The following C12orf54 variants were observed in gnomAD, a reference collection of about 807,000 sequenced individuals.
C12orf54 encodes the protein chromosome 12 open reading frame 54.
Under a neutral mutation model 26.4 loss-of-function variants are expected in C12orf54, and 24 were observed. The observed-to-expected ratio is 0.91, with a 90% CI of 0.66 to 1.28. C12orf54 has a LOEUF of 1.28. Ranked by LOEUF, C12orf54 falls within the 50% of genes most tolerant of loss-of-function variation. The pLI, the probability that C12orf54 is intolerant of heterozygous loss-of-function variation, is 0.00. For synonymous variants in C12orf54, 54 were observed against 47.0 expected (o/e 1.15, Z -0.61); for missense variants, 154 against 150.9 (o/e 1.02, Z -0.11).
chr12:48,469,297 C>T, the C12orf54 span, among the ~76,000 whole-genome samples: 1 of 152,180 alleles, frequency 6.6e-6, no homozygotes, highest in East Asian at 1.9e-4. Flanking sequence ...CCAGAGCGGC[C>T]ATTTTAGGGA....
intron 2 of C12orf54, among the ~76,000 whole-genome samples, chr12:48,483,734 T>A (rs1954225550): frequency 6.6e-6 from 1 of 152,194 alleles, no homozygotes; most frequent in South Asian, 2.1e-4. Context: ...AAAAGAGGGC[T>A]AGAATCTGCT....
the C12orf54 span, among the ~76,000 whole-genome samples, chr12:48,474,599 C>T: frequency 6.6e-6 from 1 of 152,230 alleles, no homozygotes; most frequent in Non-Finnish European, 1.5e-5. Flanking sequence ...TTATATCCCA[C>T]ACATGGCTCG....
At position 48,494,880 on chromosome 12, in the gene C12orf54, C is replaced by A. The variant is rs180819519; in HGVS notation, c.325C>A (p.Arg109Ser). Reference protein sequence around the residue: ...FSSGEQPSGGRIHNLKTQLFS... With the variant: ...FSSGEQPSGGSIHNLKTQLFS... ...CTCTGGAGAGCAGCCATCAGGAGGC[C>A]GTATCCACAACCTGAAGACACAGCT... is the stretch of plus-strand genomic sequence containing the variant. The change falls in exon 8 of 9, where the codon CGT becomes AGT. Residue 109 changes from arginine to serine, a missense_variant. Physicochemically the swap from Arg to Ser is moderately radical, Grantham distance 110 (BLOSUM62 -1). Coordinates refer to ENST00000548364, the MANE Select transcript of C12orf54 (RefSeq NM_152319.4). The A allele has an allele frequency of 1.6e-4, 251 of 1,612,868 alleles. 1 individual carries two copies. The Admixed American group carries it at 3.4e-3, about 22-fold the overall frequency.
chr12:48,472,845 C>A, the C12orf54 span: 3 of 1,613,862 alleles, frequency 1.9e-6, no homozygotes, highest in African/African-American at 4.0e-5. Context: ...TGCAAACTTG[C>A]CAAAGTTAAA....
upstream of C12orf54, among the ~76,000 whole-genome samples, chr12:48,477,531 T>A (rs1334621256): frequency 2.0e-5 from 3 of 151,350 alleles, no homozygotes; most frequent in Non-Finnish European, 2.9e-5. Context: ...TAGAGAAGAA[T>A]CAAATAGATG....
intron 1 of C12orf54, among the ~76,000 whole-genome samples, 152 bp from the exon 2 acceptor site, chr12:48,483,088 A>T (rs954247515): frequency 6.6e-6 from 1 of 152,048 alleles, no homozygotes; most frequent in Non-Finnish European, 1.5e-5. Flanking sequence ...GCACACATAC[A>T]TGCACATATA....
At chr12:48,486,371 G>A in intron 3 of C12orf54, 163 bp downstream of exon 3, 2 of 687,368 alleles carry the variant, frequency 2.9e-6, no homozygotes, top group Non-Finnish European at 5.0e-6. Context: ...TACCAAACCA[G>A]GTAACGTCTC....
the C12orf54 span, among the ~76,000 whole-genome samples, chr12:48,459,029 C>T: frequency 1.7e-4 from 26 of 152,046 alleles, no homozygotes; most frequent in Admixed American, 9.8e-4. Flanking sequence ...CATCTATCCT[C>T]CTCTTCAGGA....
At chr12:48,413,295 TAAG>T in the C12orf54 span, among the ~76,000 whole-genome samples, 2 of 152,234 alleles carry the variant, frequency 1.3e-5, no homozygotes. Context: ...GCCATTTCTT[TAAG>T]AAGGAGACTT....
the C12orf54 span, among the ~76,000 whole-genome samples, chr12:48,461,855 A>G: frequency 6.6e-6 from 1 of 151,788 alleles, no homozygotes; most frequent in Non-Finnish European, 1.5e-5. Context: ...ATAAAACCAA[A>G]GTAAGCAGAA....
At chr12:48,422,951 G>GA in the C12orf54 span, among the ~76,000 whole-genome samples, 1 of 152,120 alleles carries the variant, frequency 6.6e-6, no homozygotes, top group Non-Finnish European at 1.5e-5. Context: ...ATTTGGTAAA[G>GA]AAAAGCATGA....
At chr12:48,448,107 C>T in the C12orf54 span, among the ~76,000 whole-genome samples, 1 of 152,044 alleles carries the variant, frequency 6.6e-6, no homozygotes, top group Non-Finnish European at 1.5e-5. Flanking sequence ...CCAGAACCTC[C>T]AGAAAGGAAT....
chr12:48,473,518 T>C, the C12orf54 span: 2 of 378,336 alleles, frequency 5.3e-6, no homozygotes, highest in Non-Finnish European at 1.0e-5. Flanking sequence ...TTTTTTCTGA[T>C]TGTAACGTTG....
At chr12:48,454,619 T>C in the C12orf54 span, among the ~76,000 whole-genome samples, 2 of 152,284 alleles carry the variant, frequency 1.3e-5, no homozygotes, top group East Asian at 1.9e-4. Context: ...CTTTATTTAA[T>C]GCAGCCTCAG....
At chr12:48,421,081 C>T in the C12orf54 span, among the ~76,000 whole-genome samples, 2 of 152,062 alleles carry the variant, frequency 1.3e-5, no homozygotes, top group African/African-American at 4.8e-5. Context: ...AATTCTTATC[C>T]TTTTGTCTGT....
the C12orf54 span, among the ~76,000 whole-genome samples, chr12:48,418,102 T>C: frequency 0.033 from 4,954 of 152,322 alleles, 122 homozygotes; most frequent in Non-Finnish European, 0.047. Context: ...GAGGGGCTGA[T>C]TGAAGCCATG....
chr12:48,480,711 T>C (rs1382064974), upstream of C12orf54, among the ~76,000 whole-genome samples: 4 of 152,170 alleles, frequency 2.6e-5, no homozygotes, highest in South Asian at 2.1e-4. Context: ...ACTTTGGATA[T>C]ACCCAAAGGA....
chr12:48,465,304 A>G, the C12orf54 span, among the ~76,000 whole-genome samples: 2 of 152,236 alleles, frequency 1.3e-5, no homozygotes, highest in Admixed American at 6.5e-5. Flanking sequence ...CAAGAATTAT[A>G]TGAAAAAAAG....
chr12:48,438,198 G>A, the C12orf54 span, among the ~76,000 whole-genome samples: 1 of 152,174 alleles, frequency 6.6e-6, no homozygotes, highest in Non-Finnish European at 1.5e-5. Context: ...ACTTACAAGG[G>A]ACGTGAAGGA....
Sources: gnomAD v4.1 joint callset for allele counts (sites outside exome capture counted in the v4.1 genomes callset) on GRCh38, gnomAD v4.1.1 for gene constraint, MANE v1.5 for transcripts, NCBI Gene and HGNC (gene_info 2026-07-23, HGNC 2026-07-21) for gene names.